Variants in NRCAM observed in about 807,000 individuals in gnomAD.
NRCAM encodes neuronal cell adhesion molecule.
In NRCAM, 83 loss-of-function variants were observed where a neutral mutation model predicts 156.5. That is an observed-to-expected ratio of 0.53 (90% confidence interval 0.44 to 0.64). The LOEUF (loss-of-function observed/expected upper bound fraction) is 0.64, where lower values mean the gene tolerates loss of function less well. Ranked by LOEUF, NRCAM falls within the 30% of genes least tolerant of loss-of-function variation. The pLI, the probability that NRCAM is intolerant of heterozygous loss-of-function variation, is 0.00. For missense variants in NRCAM, 1,417 were observed against 1,597.3 expected, an observed-to-expected ratio of 0.89 and a Z score of 1.92; for synonymous variants, 538 against 563.9, an observed-to-expected ratio of 0.95 and a Z score of 0.65.
At chr7:108,310,574 T>A (rs536484462) in intron 3 of NRCAM, among the ~76,000 whole-genome samples, 8 of 152,110 alleles carry the variant, frequency 5.3e-5, no homozygotes, top group African/African-American at 7.2e-5. Context: ...CCAGTGAATG[T>A]GGGAAAAACT....
In NRCAM at chr7:108,391,518, C is replaced by A. The variant is rs560120378; in HGVS notation, c.-174+7918G>T. ...AATACAGCACACTGATGGGTCTTGACTCTTTATCCAATTTGCCAGTCTGTG... is the reference window on the plus strand; with the variant it reads ...AATACAGCACACTGATGGGTCTTGAATCTTTATCCAATTTGCCAGTCTGTG... On this transcript the variant is annotated intron_variant, in intron 2 of 32. Transcript: ENST00000379028. Among the ~76,000 whole-genome samples the A allele has an allele frequency of 5.3e-5, 8 of 152,078 alleles. No individual in the cohort carries two copies. In the East Asian group the frequency reaches 1.5e-3, roughly 29 times the overall value.
In NRCAM at chr7:108,149,828, G is replaced by T; in HGVS notation, c.*82C>A. The T allele has an allele frequency of 4.6e-6, 5 of 1,089,786 alleles. No individual in the cohort carries two copies. Among genetic ancestry groups the T allele is most frequent in the South Asian group, 1.5e-5 (1 of 67,212 alleles). The allele number at this position is 1,089,786 out of a possible 1,614,324, so 67.5% of individuals were successfully genotyped here. A position where few individuals can be genotyped will look rare whatever the true frequency, so the allele number is the denominator to read the frequency against. On this transcript the variant is annotated 3_prime_UTR_variant, in exon 33 of 33. Coordinates refer to ENST00000379028, the MANE Select transcript of NRCAM (RefSeq NM_001037132.4). The stretch of plus-strand genomic sequence containing the variant: ...CAGAAAATATACTCTCTACCCATAT[G>T]TTCATAGTATGAGAGGGCTGACAAA...
At chr7:108,151,068 T>C (rs940955561) in intron 32 of NRCAM, among the ~76,000 whole-genome samples, 1 of 152,178 alleles carries the variant, frequency 6.6e-6, no homozygotes, top group Non-Finnish European at 1.5e-5. Flanking sequence ...CAAGATTCCA[T>C]TATTACAATT....
At chr7:108,185,555 C>T (rs1461325210) in intron 20 of NRCAM, among the ~76,000 whole-genome samples, 2 of 151,886 alleles carry the variant, frequency 1.3e-5, no homozygotes, top group Admixed American at 6.6e-5. Flanking sequence ...AGCAAAACCC[C>T]GTCTCTACAG....
chr7:108,215,530 T>C (rs1389152889), intron 11 of NRCAM, among the ~76,000 whole-genome samples: 2 of 152,118 alleles, frequency 1.3e-5, no homozygotes, highest in Admixed American at 1.3e-4. Context: ...CCACTATTTT[T>C]GTGTGGGAGT....
chr7:108,330,871 C>T (rs1390974882), intron 2 of NRCAM, among the ~76,000 whole-genome samples: 3 of 152,132 alleles, frequency 2.0e-5, no homozygotes, highest in Non-Finnish European at 4.4e-5. Flanking sequence ...GGAGGCGATT[C>T]GTGGCACCAA....
chr7:108,284,814 C>G (rs903419471), intron 3 of NRCAM, among the ~76,000 whole-genome samples: 3 of 152,256 alleles, frequency 2.0e-5, no homozygotes, highest in African/African-American at 7.2e-5. Context: ...TCTGTCTCCA[C>G]TGGGAGCCTG....
chr7:108,313,058 T>C (rs2098825263), intron 2 of NRCAM: 1 of 152,186 alleles, frequency 6.6e-6, no homozygotes, highest in African/African-American at 2.4e-5. Flanking sequence ...TAAAATACTT[T>C]GCTATGGGCT....
At chr7:108,366,791 A>C (rs187023974) in intron 2 of NRCAM, among the ~76,000 whole-genome samples, 86 of 152,342 alleles carry the variant, frequency 5.6e-4, no homozygotes, top group African/African-American at 2.0e-3. Context: ...TCAATGCCAG[A>C]TATATCTGAG....
chr7:108,150,062 G>C lies in NRCAM; in HGVS notation c.3763C>G (p.Leu1255Val). 2 of 1,614,070 alleles carry C rather than the reference G, an allele frequency of 1.2e-6. No individual in the cohort carries two copies. Among genetic ancestry groups the C allele is most frequent in the Non-Finnish European group, 1.7e-6 (2 of 1,179,956 alleles). Reference protein sequence around the residue: ...TVKKEDSDDSLVDYGEGVNGQ... With the variant: ...TVKKEDSDDSVVDYGEGVNGQ... ...TTAACCCCTTCTCCATAGTCAACTA[G>C]GCTGTCGTCACTATCTTCTTTTTTC... The change falls in exon 33 of 33, where the codon CTA becomes GTA. Residue 1255 changes from leucine to valine, a missense_variant. Leu to Val is a conservative substitution (Grantham distance 32). This residue lies in a region of NRCAM where 179 missense variants were observed against 260.9 expected (regional missense o/e 0.69). Coordinates refer to ENST00000379028, the MANE Select transcript of NRCAM (RefSeq NM_001037132.4).
At chr7:108,217,615 G>A (rs1339924271) in intron 11 of NRCAM, among the ~76,000 whole-genome samples, 1 of 152,170 alleles carries the variant, frequency 6.6e-6, no homozygotes, top group African/African-American at 2.4e-5. Context: ...GTGATGCCCT[G>A]CCCAGAGAGG....
intron 2 of NRCAM, among the ~76,000 whole-genome samples, chr7:108,392,409 G>T (rs937090878): frequency 6.6e-6 from 1 of 152,156 alleles, no homozygotes; most frequent in African/African-American, 2.4e-5. Flanking sequence ...TCGTGCCATG[G>T]TTTTCAGCTC....
chr7:108,407,898 T>C (rs1245081340), intron 1 of NRCAM, among the ~76,000 whole-genome samples: 2 of 152,212 alleles, frequency 1.3e-5, no homozygotes, highest in Non-Finnish European at 2.9e-5. Flanking sequence ...AAACTCCAGA[T>C]GGCCAAAGCC....
chr7:108,201,032 G>A (rs1336690054), intron 13 of NRCAM, among the ~76,000 whole-genome samples: 2 of 152,124 alleles, frequency 1.3e-5, no homozygotes, highest in African/African-American at 2.4e-5. Flanking sequence ...ATTGGGTACA[G>A]TGTGTACACT....
chr7:108,190,294 C>T (rs1355742953), intron 19 of NRCAM, among the ~76,000 whole-genome samples: 1 of 152,134 alleles, frequency 6.6e-6, no homozygotes, highest in Non-Finnish European at 1.5e-5. Flanking sequence ...TGTGTTTACT[C>T]CCAGAGGACA....
At chr7:108,323,105 G>C (rs1187459489) in intron 2 of NRCAM, among the ~76,000 whole-genome samples, 1 of 152,102 alleles carries the variant, frequency 6.6e-6, no homozygotes, top group South Asian at 2.1e-4. Context: ...AGGAATTCAG[G>C]GGTTTTAGTC....
chr7:108,256,364 C>A (rs2096661682), intron 3 of NRCAM, among the ~76,000 whole-genome samples: 3 of 148,130 alleles, frequency 2.0e-5, no homozygotes, highest in South Asian at 2.2e-4. Flanking sequence ...TGTGTCCACT[C>A]AGGGTTAAAT....
Position 108,176,489 on chromosome 7 carries a change from T to C in NRCAM, c.3092A>G (p.Gln1031Arg). 6.2e-7 allele frequency: 1 copy of C among 1,613,742 alleles called. No individual in the cohort carries two copies. Among genetic ancestry groups the C allele is most frequent in the Non-Finnish European group, 8.5e-7 (1 of 1,179,868 alleles). ...STRYKFYFYA[Q>R]TSAGSGSQIT... ...TTGACTTCCTGATCCTGCTGATGTT[T>C]GTGCATAGAAATAAAACTTATATCG... The change falls in exon 27 of 33, where the codon CAA becomes CGA. Residue 1031 changes from glutamine to arginine, a missense_variant. By Grantham distance (43) the Gln-to-Arg change is conservative (BLOSUM62 1). Coordinates refer to ENST00000379028, the MANE Select transcript of NRCAM (RefSeq NM_001037132.4).
chr7:108,197,561 G>A (rs1158067865), intron 14 of NRCAM, among the ~76,000 whole-genome samples: 1 of 152,124 alleles, frequency 6.6e-6, no homozygotes, highest in Non-Finnish European at 1.5e-5. Flanking sequence ...TAAAGGCCAA[G>A]CATTATGATT....
Sources: gnomAD v4.1 joint callset for allele counts (sites outside exome capture counted in the v4.1 genomes callset) on GRCh38, gnomAD v4.1.1 for gene constraint, gnomAD v4.1.1 regional missense constraint, MANE v1.5 for transcripts, NCBI Gene and HGNC (gene_info 2026-07-23, HGNC 2026-07-21) for gene names.